CNTNAP5: variants seen among roughly 807,000 people sequenced by gnomAD.
CNTNAP5 encodes the protein contactin associated protein family member 5, also known as contactin-associated protein-like 5.
A neutral mutation model predicts 150.2 loss-of-function variants in CNTNAP5; 72 were observed. The observed-to-expected ratio is 0.48, with a 90% CI of 0.40 to 0.58. The LOEUF is 0.58. Among genes scored for constraint, CNTNAP5 ranks in the 20% least tolerant of loss-of-function variants. The pLI is 0.00. For missense variants in CNTNAP5, 1,636 were observed against 1,626.2 expected (o/e 1.01, Z -0.10); for synonymous variants, 672 against 619.8 (o/e 1.08, Z -1.25).
chr2:124,170,807 A>G (rs1289019450), intron 1 of CNTNAP5, among the ~76,000 whole-genome samples: 1 of 152,142 alleles, frequency 6.6e-6, no homozygotes, highest in East Asian at 1.9e-4. Context: ...GCCCACCGAG[A>G]CAGGTAATTG....
intron 17 of CNTNAP5, 118 bp downstream of exon 17, chr2:124,773,135 C>T (rs1681243128): frequency 2.6e-6 from 2 of 761,140 alleles, no homozygotes; most frequent in African/African-American, 1.7e-5. Context: ...TGTCATAAAT[C>T]ATTTCTAATG....
chr2:124,254,150 A>C (rs1687251312), intron 3 of CNTNAP5, among the ~76,000 whole-genome samples: 1 of 152,218 alleles, frequency 6.6e-6, no homozygotes, highest in African/African-American at 2.4e-5. Flanking sequence ...AATGTCCCTG[A>C]CATATAAAAA....
chr2:124,698,120 G>T (rs191939440), intron 13 of CNTNAP5, among the ~76,000 whole-genome samples: 1 of 152,172 alleles, frequency 6.6e-6, no homozygotes, highest in African/African-American at 2.4e-5. Context: ...ATAAAAAGGG[G>T]TATGATCTGC....
At position 124,819,950 on chromosome 2, in the gene CNTNAP5, A is replaced by G. The variant is rs978970481; in HGVS notation, c.3217+21630A>G. Among the ~76,000 whole-genome samples the G allele has an allele frequency of 2.6e-5, 4 of 152,106 alleles. No homozygotes were observed. The South Asian group carries it at 8.3e-4, about 32-fold the overall frequency. The stretch of plus-strand genomic sequence containing the variant: ...GCCTTACTTCCTGTTGCAGCATTTT[A>G]GCCTGGTTGGTGAAATTGCATATCA... On this transcript the variant is annotated intron_variant, in intron 19 of 23. Coordinates refer to ENST00000682447, the MANE Select transcript of CNTNAP5 (RefSeq NM_001367498.1).
chr2:124,775,001 A>T (rs1312186693), intron 17 of CNTNAP5, among the ~76,000 whole-genome samples: 17 of 152,194 alleles, frequency 1.1e-4, no homozygotes, highest in Non-Finnish European at 7.3e-5. Context: ...GCTGGAGCCA[A>T]GGTCAGCTGT....
chr2:124,450,487 A>T (rs1692940297), intron 6 of CNTNAP5, among the ~76,000 whole-genome samples: 2 of 145,172 alleles, frequency 1.4e-5, no homozygotes, highest in South Asian at 4.5e-4. Context: ...CTGCACTAAG[A>T]TGTCTGCAGT....
intron 1 of CNTNAP5, among the ~76,000 whole-genome samples, chr2:124,212,926 C>T (rs1196107111): frequency 6.7e-6 from 1 of 149,828 alleles, no homozygotes; most frequent in East Asian, 2.0e-4. Flanking sequence ...GAAAGCTCCG[C>T]CTGCCGGATT....
intron 12 of CNTNAP5, among the ~76,000 whole-genome samples, chr2:124,622,581 C>T (rs1233046949): frequency 6.6e-6 from 1 of 152,012 alleles, no homozygotes; most frequent in African/African-American, 2.4e-5. Context: ...ATTTATACTC[C>T]CACCGACAGT....
chr2:124,419,988 C>CTTTTT (rs772589224), intron 4 of CNTNAP5, among the ~76,000 whole-genome samples: 23 of 78,874 alleles, frequency 2.9e-4, no homozygotes, highest in African/African-American at 6.4e-4. Context: ...TTCTTTCTTT[C>CTTTTT]TTTTTTTTTT....
Position 124,647,834 on chromosome 2 carries a change from C to T in CNTNAP5, c.1953C>T (p.Pro651=). The stretch of plus-strand genomic sequence containing the variant: ...TGCGGGGCGCTAACCCTGAGAAGCC[C>T]TATGCCATGGCCTTGGACTACGGGG... The part of the protein sequence containing the change: ...TRVRGANPEK[P]YAMALDYGGS... Residue 651 remains proline (P), a synonymous_variant, in exon 13 of 24, where the codon CCC becomes CCT. Coordinates refer to ENST00000682447, the MANE Select transcript of CNTNAP5 (RefSeq NM_001367498.1). 6.2e-7 allele frequency: 1 copy of T among 1,613,434 alleles called. No homozygotes were observed. Among genetic ancestry groups the T allele is most frequent in the Non-Finnish European group, 8.5e-7 (1 of 1,179,672 alleles).
Position 124,713,861 on chromosome 2 carries a change from C to G in CNTNAP5, c.2078-33368C>G, listed in dbSNP as rs116607024. Among the ~76,000 whole-genome samples the G allele has an allele frequency of 4.7e-3, 716 of 152,252 alleles. 8 individuals carry two copies. Among genetic ancestry groups the G allele is most frequent in the African/African-American group, 0.016 (657 of 41,556 alleles). On this transcript the variant is annotated intron_variant, in intron 13 of 23. Coordinates refer to ENST00000682447, the MANE Select transcript of CNTNAP5 (RefSeq NM_001367498.1). ...CTTTATCAAGGAGCATGAGGCTCAT[C>G]AACACCTGACTCCCCATCTCTCCTC... is the stretch of plus-strand genomic sequence containing the variant.
In CNTNAP5 at chr2:124,025,355, T is replaced by G; in HGVS notation, c.-296T>G. 11 of 348,534 alleles carry G rather than the reference T, an allele frequency of 3.2e-5. No homozygotes were observed. Among genetic ancestry groups the G allele is most frequent in the East Asian group, 1.1e-4 (2 of 18,662 alleles). The allele number at this position is 348,534 out of a possible 1,614,324, so 21.6% of individuals were successfully genotyped here. A position where few individuals can be genotyped will look rare whatever the true frequency, so the allele number is the denominator to read the frequency against. ...CGAGCTCCGGCGCCTGTCGTTCTAA[T>G]TGGGTTTGGATTTGCACCGTTAAGG... On this transcript the variant is annotated 5_prime_UTR_variant, in exon 1 of 24. Transcript: ENST00000682447.
In CNTNAP5 at chr2:124,108,619, G is replaced by C. The variant is rs552965070; in HGVS notation, c.82+82887G>C. Among the ~76,000 whole-genome samples the C allele has an allele frequency of 8.5e-5, 13 of 152,268 alleles. No homozygotes were observed. The South Asian group carries it at 2.5e-3, about 29-fold the overall frequency. On this transcript the variant is annotated intron_variant, in intron 1 of 23. Coordinates refer to ENST00000682447, the MANE Select transcript of CNTNAP5 (RefSeq NM_001367498.1). ...ACGTTCCTCTCTCATGTGCACATTA[G>C]AAGTATATGGGAAGCTTTGAATGTG... is the stretch of plus-strand genomic sequence containing the variant.
chr2:124,489,355 G>A (rs1293858441), intron 7 of CNTNAP5, among the ~76,000 whole-genome samples: 1 of 152,162 alleles, frequency 6.6e-6, no homozygotes, highest in Non-Finnish European at 1.5e-5. Context: ...TCTTCTCCCT[G>A]TCTTCACATA....
intron 8 of CNTNAP5, among the ~76,000 whole-genome samples, chr2:124,522,475 A>C (rs1334494094): frequency 6.6e-6 from 1 of 152,158 alleles, no homozygotes; most frequent in Non-Finnish European, 1.5e-5. Flanking sequence ...TGATTCTTTG[A>C]ATAAACACCT....
At chr2:124,344,514 A>T (rs1689693495) in intron 3 of CNTNAP5, among the ~76,000 whole-genome samples, 1 of 152,168 alleles carries the variant, frequency 6.6e-6, no homozygotes, top group African/African-American at 2.4e-5. Flanking sequence ...TCACCCTTGT[A>T]ATCCCAACAC....
intron 13 of CNTNAP5, among the ~76,000 whole-genome samples, chr2:124,717,679 G>A (rs1669289191): frequency 1.3e-5 from 2 of 152,278 alleles, no homozygotes; most frequent in South Asian, 2.1e-4. Flanking sequence ...GTATGTGGAT[G>A]TCAACTAGGC....
intron 12 of CNTNAP5, among the ~76,000 whole-genome samples, chr2:124,626,770 T>A (rs1302383772): frequency 6.6e-6 from 1 of 152,084 alleles, no homozygotes; most frequent in African/African-American, 2.4e-5. Context: ...GCTCAGCAGG[T>A]CCCACTTCCA....
At chr2:124,560,625 A>T (rs1169850808) in intron 10 of CNTNAP5, among the ~76,000 whole-genome samples, 1 of 122,958 alleles carries the variant, frequency 8.1e-6, no homozygotes, top group African/African-American at 2.7e-5. Context: ...GTTGAATGTA[A>T]GAGAATCCCA....
Sources: allele counts gnomAD v4.1 joint callset (sites outside exome capture counted in the v4.1 genomes callset), GRCh38; gene constraint gnomAD v4.1.1; transcripts MANE v1.5; gene names NCBI Gene and HGNC (gene_info 2026-07-23, HGNC 2026-07-21).